The following PPP2R3A variants were observed in gnomAD, a reference collection of about 807,000 sequenced individuals.
The protein encoded by PPP2R3A is protein phosphatase 2 regulatory subunit B''alpha, also known as serine/threonine-protein phosphatase 2A regulatory subunit B'' subunit alpha.
A neutral mutation model predicts 106.9 loss-of-function variants in PPP2R3A; 80 were observed. The ratio of observed to expected loss-of-function variants is 0.75; its 90% confidence interval spans 0.62 to 0.90. PPP2R3A has a LOEUF of 0.90. PPP2R3A is among the 40% of genes least tolerant of loss of function. PPP2R3A has a pLI of 0.00. For missense variants in PPP2R3A, 1,386 were observed against 1,350.4 expected, an observed-to-expected ratio of 1.03 and a Z score of -0.41; for synonymous variants, 483 against 468.3, an observed-to-expected ratio of 1.03 and a Z score of -0.41.
At chr3:136,025,595 ATTT>A in intron 2 of PPP2R3A, among the ~76,000 whole-genome samples, 1 of 152,220 alleles carries the variant, frequency 6.6e-6, no homozygotes, top group South Asian at 2.1e-4. Context: ...GGTAGCTAAA[ATTT>A]TTATCATGAT....
intron 3 of PPP2R3A, among the ~76,000 whole-genome samples, chr3:136,029,765 T>G (rs565628439): frequency 2.0e-5 from 3 of 152,252 alleles, no homozygotes; most frequent in South Asian, 2.1e-4. Context: ...TCTGATTAAC[T>G]TGTCTGAATT....
chr3:136,087,960 A>T (rs370292115), intron 9 of PPP2R3A, 29 bp downstream of exon 9: 52 of 1,565,172 alleles, frequency 3.3e-5, no homozygotes, highest in Non-Finnish European at 4.4e-5. Flanking sequence ...CTGTGTTTAA[A>T]AATGAACTAC....
intron 5 of PPP2R3A, among the ~76,000 whole-genome samples, chr3:136,050,249 C>CT (rs1559889589): frequency 6.6e-6 from 1 of 152,166 alleles, no homozygotes; most frequent in African/African-American, 2.4e-5. Context: ...ATTTTAAACT[C>CT]TGTGTGTTGT....
chr3:136,001,954 T>C lies in PPP2R3A; in HGVS notation c.456T>C (p.Asn152=). The part of the protein sequence containing the change: ...KGRKVKSDSF[N]RRSVDLDLLC... ...GGAAAGTTAAGTCTGACTCATTTAA[T>C]AGGAGGTCAGTTGATTTGGACTTGC... The change falls in exon 2 of 14, where the codon AAT becomes AAC. Residue 152 remains asparagine (N), a synonymous_variant. Coordinates refer to ENST00000264977, the MANE Select transcript of PPP2R3A (RefSeq NM_002718.5). 1.2e-6 allele frequency: 2 copies of C among 1,614,172 alleles called. No individual in the cohort carries two copies. The highest frequency in any genetic ancestry group is 1.7e-6 in the Non-Finnish European group (2 of 1,180,020).
intron 3 of PPP2R3A, among the ~76,000 whole-genome samples, chr3:136,040,107 A>C (rs1935214487): frequency 6.6e-6 from 1 of 152,226 alleles, no homozygotes; most frequent in Non-Finnish European, 1.5e-5. Flanking sequence ...TTAATAACAT[A>C]ATAGGCAAAG....
intron 13 of PPP2R3A, among the ~76,000 whole-genome samples, chr3:136,132,975 A>T (rs187848821): frequency 1.7e-3 from 255 of 152,246 alleles, no homozygotes; most frequent in African/African-American, 4.7e-3. Flanking sequence ...AATGATGCTA[A>T]AATAATTGGA....
intron 1 of PPP2R3A, among the ~76,000 whole-genome samples, chr3:135,987,692 T>C (rs141404118): frequency 2.6e-5 from 4 of 152,214 alleles, no homozygotes; most frequent in Non-Finnish European, 4.4e-5. Flanking sequence ...TCTCTGGCCA[T>C]TTTTTGTCAG....
intron 13 of PPP2R3A, among the ~76,000 whole-genome samples, chr3:136,141,523 G>T (rs773676756): frequency 6.6e-5 from 10 of 152,210 alleles, no homozygotes; most frequent in Non-Finnish European, 1.5e-5. Context: ...TAGTGGAAGT[G>T]CAAGAACAGA....
chr3:136,025,082 G>T (rs563549191), intron 2 of PPP2R3A, among the ~76,000 whole-genome samples: 171 of 152,126 alleles, frequency 1.1e-3, no homozygotes, highest in African/African-American at 3.8e-3. Flanking sequence ...CTAATTTTTT[G>T]AGAATCTCAT....
chr3:136,055,636 G>A, intron 5 of PPP2R3A: 1 of 1,339,290 alleles, frequency 7.5e-7, no homozygotes, highest in Non-Finnish European at 1.1e-6. Context: ...CCTGCCAATG[G>A]ACAAAGTACT....
intron 1 of PPP2R3A, among the ~76,000 whole-genome samples, chr3:135,987,031 T>C (rs1166639041): frequency 6.6e-6 from 1 of 152,176 alleles, no homozygotes; most frequent in African/African-American, 2.4e-5. Context: ...CGGTTATCAG[T>C]GATGTCCACA....
chr3:136,022,911 G>A (rs1463974278), intron 2 of PPP2R3A: 4 of 1,437,810 alleles, frequency 2.8e-6, no homozygotes, highest in Non-Finnish European at 3.6e-6. Flanking sequence ...CATAGATTGT[G>A]GTCTGTGGAG....
At chr3:136,116,664 A>C (rs1937775162) in intron 13 of PPP2R3A, among the ~76,000 whole-genome samples, 1 of 152,232 alleles carries the variant, frequency 6.6e-6, no homozygotes, top group Non-Finnish European at 1.5e-5. Context: ...CATGATGGTA[A>C]AGGGATCAGT....
intron 13 of PPP2R3A, among the ~76,000 whole-genome samples, chr3:136,116,006 G>A (rs1937737863): frequency 6.6e-6 from 1 of 152,014 alleles, no homozygotes; most frequent in Admixed American, 6.6e-5. Flanking sequence ...GAAAAGTCTG[G>A]TTACCCACAA....
At position 136,145,541 on chromosome 3, in the gene PPP2R3A, C is replaced by T. The variant is rs1369239460; in HGVS notation, c.*375C>T. ...AGTCCCCTCCGGGCTCCTATGGAGC[C>T]TAGAAGAAACCTTCACTTGCAGAAA... is the stretch of plus-strand genomic sequence containing the variant. On this transcript the variant is annotated 3_prime_UTR_variant, in exon 14 of 14. Transcript: ENST00000264977. 3 of 153,440 alleles carry T rather than the reference C, an allele frequency of 2.0e-5. No individual in the cohort carries two copies. The highest frequency in any genetic ancestry group is 4.4e-5 in the Non-Finnish European group (3 of 68,698). 9.5% of individuals were successfully genotyped at this position (153,440 alleles called of 1,614,324 possible). A position where few individuals can be genotyped will look rare whatever the true frequency, so the allele number is the denominator to read the frequency against.
At chr3:136,005,090 A>C (rs904722482) in intron 2 of PPP2R3A, among the ~76,000 whole-genome samples, 1 of 152,172 alleles carries the variant, frequency 6.6e-6, no homozygotes, top group Non-Finnish European at 1.5e-5. Context: ...GGGCACCAAC[A>C]TGATGCCACA....
intron 5 of PPP2R3A, among the ~76,000 whole-genome samples, chr3:136,052,965 C>T (rs1233964177): frequency 6.6e-6 from 1 of 152,182 alleles, no homozygotes; most frequent in East Asian, 1.9e-4. Context: ...TAGAAAGTGA[C>T]CACATGTCTT....
intron 12 of PPP2R3A, among the ~76,000 whole-genome samples, chr3:136,105,965 GA>G (rs964502829): frequency 2.7e-5 from 4 of 146,128 alleles, no homozygotes; most frequent in East Asian, 2.0e-4. Context: ...ATCTCAAAAA[GA>G]AAAAAAAAGA....
At chr3:136,053,741 T>C (rs1327697565) in intron 5 of PPP2R3A, among the ~76,000 whole-genome samples, 1 of 152,140 alleles carries the variant, frequency 6.6e-6, no homozygotes, top group Non-Finnish European at 1.5e-5. Flanking sequence ...GTCTCACCAG[T>C]TTACTCTAAA....
Sources: gnomAD v4.1 joint callset for allele counts (sites outside exome capture counted in the v4.1 genomes callset) on GRCh38, gnomAD v4.1.1 for gene constraint, MANE v1.5 for transcripts, NCBI Gene and HGNC (gene_info 2026-07-23, HGNC 2026-07-21) for gene names.